The following SERP2 variants were observed in gnomAD, a reference collection of about 807,000 sequenced individuals.
SERP2 encodes stress associated endoplasmic reticulum protein family member 2.
A neutral mutation model predicts 9.1 loss-of-function variants in SERP2; 6 were observed. That is an observed-to-expected ratio of 0.66 (90% confidence interval 0.36 to 1.30). The LOEUF (loss-of-function observed/expected upper bound fraction) is 1.30. SERP2 is among the 50% of genes most tolerant of loss of function. The probability of loss-of-function intolerance (pLI) is 0.03; values close to 1 mark genes in which losing one functional copy is unlikely to be tolerated. For missense variants in SERP2, 58 were observed against 81.9 expected, an observed-to-expected ratio of 0.71 and a Z score of 1.13; for synonymous variants, 37 against 27.3, an observed-to-expected ratio of 1.35 and a Z score of -1.10.
chr13:44,383,710 G>T (rs1391430127), intron 2 of SERP2, among the ~76,000 whole-genome samples: 1 of 150,716 alleles, frequency 6.6e-6, no homozygotes, highest in Non-Finnish European at 1.5e-5. Context: ...ACCATGCCCA[G>T]CTAATTTTTT....
rs551683605 is a variant in SERP2, at chr13:44,388,586, G to C, written c.158-8686G>C. Among the ~76,000 whole-genome samples, 25 of 152,290 alleles carry C rather than the reference G, an allele frequency of 1.6e-4. No individual in the cohort carries two copies. In the South Asian group the frequency reaches 1.9e-3, roughly 11 times the overall value. On this transcript the variant is annotated intron_variant, in intron 2 of 2. Transcript: ENST00000379179. ...GGCACCATCCGTTGGGAGTCGCTCT[G>C]CCATTTCTGTGCAGGGACATTCCTT...
intron 1 of SERP2, 142 bp from the exon 2 acceptor site, chr13:44,379,499 A>G (rs962110917): frequency 5.3e-6 from 3 of 567,038 alleles, no homozygotes; most frequent in Non-Finnish European, 9.6e-6. Flanking sequence ...TCATTCATCT[A>G]TATCTGTCCA....
At chr13:44,376,321 A>G (rs919619690) in intron 1 of SERP2, among the ~76,000 whole-genome samples, 1 of 152,262 alleles carries the variant, frequency 6.6e-6, no homozygotes, top group Non-Finnish European at 1.5e-5. Context: ...TTCAGGATGA[A>G]ATTCATTAAA....
chr13:44,393,531 G>A (rs545641436), intron 2 of SERP2, among the ~76,000 whole-genome samples: 4 of 152,184 alleles, frequency 2.6e-5, no homozygotes, highest in Non-Finnish European at 4.4e-5. Flanking sequence ...CGCCCTGATC[G>A]CCTGCCCTGG....
intron 1 of SERP2, among the ~76,000 whole-genome samples, chr13:44,377,849 A>C (rs1336408535): frequency 6.6e-6 from 1 of 152,202 alleles, no homozygotes; most frequent in Non-Finnish European, 1.5e-5. Flanking sequence ...ATGAACGTTT[A>C]TTATCTCCTA....
intron 2 of SERP2, chr13:44,390,670 A>G (rs1226587557): frequency 5.2e-6 from 1 of 192,618 alleles, no homozygotes; most frequent in East Asian, 1.5e-4. Flanking sequence ...TAATGCGGAT[A>G]GAAAGCTTTA....
chr13:44,374,177 C>CGGGGGGGGG, intron 1 of SERP2, 68 bp downstream of exon 1: 2 of 151,762 alleles, frequency 1.3e-5, no homozygotes, highest in South Asian at 1.7e-4. Context: ...AAGGTGGGGG[C>CGGGGGGGGG]GGGGCCGGGC....
Position 44,383,544 on chromosome 13 carries a change from G to GTTTTGTT in SERP2, c.157+3835_157+3836insGTTTTTT, listed in dbSNP as rs1872127746. On this transcript the variant is annotated intron_variant, in intron 2 of 2. Transcript: ENST00000379179. The stretch of plus-strand genomic sequence containing the variant: ...TAGCTCCACCTCTCTGGAGGTTTGC[G>GTTTTGTT]TTTTTTTTGTTTTTTTTTTTTTGAG... Among the ~76,000 whole-genome samples the GTTTTGTT allele has an allele frequency of 1.5e-4, 14 of 91,824 alleles. 2 individuals carry two copies. Among genetic ancestry groups the GTTTTGTT allele is most frequent in the South Asian group, 3.7e-4 (1 of 2,680 alleles). 60.2% of individuals were successfully genotyped at this position (91,824 alleles called of 152,430 possible).
At chr13:44,389,346 TA>T (rs1872505030) in intron 2 of SERP2, among the ~76,000 whole-genome samples, 1 of 152,178 alleles carries the variant, frequency 6.6e-6, no homozygotes, top group African/African-American at 2.4e-5. Context: ...CTTCTCTTCT[TA>T]AAAGAGGATG....
chr13:44,384,888 C>T (rs1316199824), intron 2 of SERP2, among the ~76,000 whole-genome samples: 1 of 152,194 alleles, frequency 6.6e-6, no homozygotes, highest in Non-Finnish European at 1.5e-5. Context: ...GCTTTCATTA[C>T]CTTACTCTAT....
chr13:44,393,039 A>G (rs202002895), intron 2 of SERP2, among the ~76,000 whole-genome samples: 4 of 51,330 alleles, frequency 7.8e-5, no homozygotes, highest in Non-Finnish European at 2.2e-4. Context: ...AAGGGAAGAG[A>G]GTTTCAAGCA....
intron 2 of SERP2, among the ~76,000 whole-genome samples, chr13:44,384,662 C>G (rs558396670): frequency 6.6e-6 from 1 of 152,274 alleles, no homozygotes; most frequent in South Asian, 2.1e-4. Context: ...CTTCTATTAG[C>G]TCTCCTTTGA....
At chr13:44,380,225 TAC>T (rs936955930) in intron 2 of SERP2, among the ~76,000 whole-genome samples, 29 of 152,186 alleles carry the variant, frequency 1.9e-4, no homozygotes, top group African/African-American at 4.8e-4. Context: ...GATACACACA[TAC>T]ACACAAATGC....
At position 44,397,291 on chromosome 13, in the gene SERP2, G is replaced by C; in HGVS notation, c.177G>C (p.Gln59His). ...TTTCAGCTATCTTTCAGATCATTCA[G>C]AGCATAAGGATGGGCATGTGAGAAA... ...VCGSAIFQII[Q>H]SIRMGM The change falls in exon 3 of 3, where the codon CAG (glutamine) becomes CAC (histidine). Residue 59 changes from glutamine (Q) to histidine (H), a missense_variant. Transcript: ENST00000379179. 6.2e-7 allele frequency: 1 copy of C among 1,613,830 alleles called. No individual in the cohort carries two copies. Among genetic ancestry groups the C allele is most frequent in the Non-Finnish European group, 8.5e-7 (1 of 1,179,766 alleles).
At chr13:44,379,905 A>G (rs142747034) in intron 2 of SERP2, among the ~76,000 whole-genome samples, 192 bp downstream of exon 2, 1 of 152,372 alleles carries the variant, frequency 6.6e-6, no homozygotes, top group East Asian at 1.9e-4. Flanking sequence ...CAATTAATAC[A>G]CTATCAAATC....
At chr13:44,378,077 C>T (rs1871763705) in intron 1 of SERP2, among the ~76,000 whole-genome samples, 1 of 152,166 alleles carries the variant, frequency 6.6e-6, no homozygotes, top group Non-Finnish European at 1.5e-5. Context: ...AAGAGAAGGG[C>T]TCTTTGGTAA....
chr13:44,377,113 G>A (rs905953138), intron 1 of SERP2, among the ~76,000 whole-genome samples: 2 of 152,212 alleles, frequency 1.3e-5, no homozygotes, highest in Non-Finnish European at 2.9e-5. Context: ...TGGGTACTAT[G>A]ATCAGCCAAA....
chr13:44,383,839 A>T (rs201423868), intron 2 of SERP2, among the ~76,000 whole-genome samples: 1 of 151,686 alleles, frequency 6.6e-6, no homozygotes, highest in African/African-American at 2.4e-5. Context: ...GCATGAGCCA[A>T]TGCGCTCGGC....
intron 2 of SERP2, among the ~76,000 whole-genome samples, chr13:44,386,495 T>C (rs1305122646): frequency 2.6e-5 from 4 of 152,222 alleles, no homozygotes; most frequent in South Asian, 2.1e-4. Context: ...GTGATTCTCC[T>C]GTCTCAGCTT....
Sources: gnomAD v4.1 joint callset for allele counts (sites outside exome capture counted in the v4.1 genomes callset) on GRCh38, gnomAD v4.1.1 for gene constraint, MANE v1.5 for transcripts, NCBI Gene and HGNC (gene_info 2026-07-23, HGNC 2026-07-21) for gene names.